TAS2R1: variants seen among roughly 807,000 people sequenced by gnomAD.
The protein encoded by TAS2R1 is taste receptor type 2 member 1.
For synonymous variants in TAS2R1, 141 were observed against 134.2 expected (o/e 1.05, Z -0.35); for missense variants, 370 against 353.4 (o/e 1.05, Z -0.38).
the TAS2R1 span, among the ~76,000 whole-genome samples, chr5:9,868,149 G>C: frequency 2.6e-5 from 4 of 152,318 alleles, no homozygotes; most frequent in African/African-American, 9.6e-5. Context: ...CTACCATTCT[G>C]GGGTTTGGAA....
chr5:9,816,651 T>C, the TAS2R1 span, among the ~76,000 whole-genome samples: 1 of 152,194 alleles, frequency 6.6e-6, no homozygotes, highest in South Asian at 2.1e-4. Flanking sequence ...TTAGGTATGA[T>C]GAAAAGCAAT....
chr5:9,708,578 A>G (rs571714363), intron 1 of TAS2R1, among the ~76,000 whole-genome samples: 9 of 151,648 alleles, frequency 5.9e-5, no homozygotes, highest in Non-Finnish European at 1.2e-4. Flanking sequence ...GCTTTATCAC[A>G]AAACAGAAAC....
chr5:9,749,934 T>C, the TAS2R1 span, among the ~76,000 whole-genome samples: 1 of 152,230 alleles, frequency 6.6e-6, no homozygotes, highest in Non-Finnish European at 1.5e-5. Context: ...AAAAGAGTAC[T>C]GGAGAGTTTC....
At position 9,627,609 on chromosome 5, in the gene TAS2R1, C is replaced by T. The variant is rs999088722; in HGVS notation, c.*1524G>A. 6.6e-6 allele frequency among the ~76,000 whole-genome samples: 1 copy of T among 152,176 alleles called. No homozygotes were observed. Among genetic ancestry groups the T allele is most frequent in the Admixed American group, 6.5e-5 (1 of 15,276 alleles). On this transcript the variant is annotated 3_prime_UTR_variant, in exon 1 of 1. Transcript: ENST00000382492. ...TTCAAGGAACAGAATATTCTCTGAA[C>T]TTGAGAAAAAGAAAAGTGACTTTTC...
intron 1 of TAS2R1, among the ~76,000 whole-genome samples, chr5:9,671,583 G>T (rs545478175): frequency 2.0e-5 from 3 of 152,106 alleles, no homozygotes; most frequent in East Asian, 3.9e-4. Flanking sequence ...AGCTAACCAG[G>T]TATATGAAAG....
chr5:9,718,327 A>G, the TAS2R1 span, among the ~76,000 whole-genome samples: 1 of 152,130 alleles, frequency 6.6e-6, no homozygotes, highest in Non-Finnish European at 1.5e-5. Flanking sequence ...TACATTGCAA[A>G]TAGAAGAATT....
At chr5:9,710,366 C>T (rs1309989977) in intron 1 of TAS2R1, among the ~76,000 whole-genome samples, 4 of 152,244 alleles carry the variant, frequency 2.6e-5, no homozygotes, top group Non-Finnish European at 4.4e-5. Context: ...ATTGAGTGCC[C>T]TCCACTCTAA....
intron 1 of TAS2R1, among the ~76,000 whole-genome samples, chr5:9,710,329 C>T (rs1455822881): frequency 6.6e-6 from 1 of 152,250 alleles, no homozygotes; most frequent in African/African-American, 2.4e-5. Flanking sequence ...TGGCTGTCTC[C>T]TTTACAAAGA....
the TAS2R1 span, among the ~76,000 whole-genome samples, chr5:9,728,186 T>C: frequency 6.6e-6 from 1 of 152,132 alleles, no homozygotes; most frequent in Non-Finnish European, 1.5e-5. Flanking sequence ...GGTCTCAAAG[T>C]TGAGTTATAG....
At chr5:9,896,507 T>C in the TAS2R1 span, among the ~76,000 whole-genome samples, 1 of 152,134 alleles carries the variant, frequency 6.6e-6, no homozygotes, top group African/African-American at 2.4e-5. Context: ...TTACTTGTCC[T>C]CCCTTCTCTA....
chr5:9,724,626 A>G, the TAS2R1 span, among the ~76,000 whole-genome samples: 3 of 152,168 alleles, frequency 2.0e-5, no homozygotes, highest in African/African-American at 7.2e-5. Flanking sequence ...TGTGCAGATT[A>G]CGGTAATAAC....
chr5:9,893,208 C>CT, the TAS2R1 span, among the ~76,000 whole-genome samples: 21,242 of 138,190 alleles, frequency 0.15, 2,004 homozygotes, highest in African/African-American at 0.26. Flanking sequence ...GTTGCCCCAG[C>CT]TTTTTTTTTT....
chr5:9,661,215 T>C (rs1223231908), intron 1 of TAS2R1, among the ~76,000 whole-genome samples: 2 of 152,240 alleles, frequency 1.3e-5, no homozygotes, highest in Admixed American at 1.3e-4. Flanking sequence ...ACAAATCCTG[T>C]TCTTTCTAGC....
chr5:9,678,170 CAT>C (rs373289809), intron 1 of TAS2R1, among the ~76,000 whole-genome samples: 17 of 152,022 alleles, frequency 1.1e-4, no homozygotes, highest in African/African-American at 3.9e-4. Context: ...AGCTAACAAA[CAT>C]ATGAAAAAAA....
intron 1 of TAS2R1, among the ~76,000 whole-genome samples, chr5:9,677,648 C>T (rs1387645075): frequency 6.6e-6 from 1 of 152,008 alleles, no homozygotes; most frequent in Non-Finnish European, 1.5e-5. Flanking sequence ...ATTAGAGTGG[C>T]AAGAATCCAA....
chr5:9,814,431 A>T, the TAS2R1 span, among the ~76,000 whole-genome samples: 2 of 152,202 alleles, frequency 1.3e-5, no homozygotes, highest in African/African-American at 4.8e-5. Flanking sequence ...AAACATGGTT[A>T]CTGTAGTGTT....
intron 1 of TAS2R1, among the ~76,000 whole-genome samples, chr5:9,666,939 A>G (rs1176933952): frequency 6.6e-6 from 1 of 152,196 alleles, no homozygotes; most frequent in Non-Finnish European, 1.5e-5. Context: ...AGAAAAGTAG[A>G]GATAGCGATA....
At chr5:9,648,946 C>A (rs1312513524) in intron 2 of TAS2R1, among the ~76,000 whole-genome samples, 3 of 152,156 alleles carry the variant, frequency 2.0e-5, no homozygotes, top group Admixed American at 6.5e-5. Context: ...ACTTAACACT[C>A]TTTTATCTGG....
the TAS2R1 span, among the ~76,000 whole-genome samples, chr5:9,719,477 T>TA: frequency 6.6e-6 from 1 of 152,238 alleles, no homozygotes; most frequent in South Asian, 2.1e-4. Context: ...AATTCACTGT[T>TA]ACCAAGCCTG....
Sources: allele counts gnomAD v4.1 joint callset (sites outside exome capture counted in the v4.1 genomes callset), GRCh38; gene constraint gnomAD v4.1.1; transcripts MANE v1.5; gene names NCBI Gene and HGNC (gene_info 2026-07-23, HGNC 2026-07-21).